Variants in USP34 observed in about 807,000 individuals in gnomAD.
USP34 encodes ubiquitin carboxyl-terminal hydrolase 34.
Under a neutral mutation model 460.3 loss-of-function variants are expected in USP34, and 70 were observed. The ratio of observed to expected loss-of-function variants is 0.15; its 90% CI spans 0.13 to 0.19. The LOEUF is 0.19. Ranked by LOEUF, USP34 falls within the 10% of genes least tolerant of loss-of-function variation. The pLI is 1.00. For synonymous variants in USP34, 1,647 were observed against 1,405.3 expected, an observed-to-expected ratio of 1.17 and a Z score of -3.85; for missense variants, 3,985 against 4,236.2, an observed-to-expected ratio of 0.94 and a Z score of 1.65.
chr2:61,321,814 A>G (rs1006039738), intron 21 of USP34, among the ~76,000 whole-genome samples: 2 of 152,244 alleles, frequency 1.3e-5, no homozygotes, highest in Non-Finnish European at 2.9e-5. Flanking sequence ...TGGGGGAGGT[A>G]ATCCTAAAAA....
chr2:61,388,920 G>A (rs2694625), intron 5 of USP34, among the ~76,000 whole-genome samples: 51,498 of 151,674 alleles, frequency 0.34, 9,050 homozygotes, highest in Admixed American at 0.4. Flanking sequence ...TAACCTAAAT[G>A]TCCATCACCA....
At chr2:61,197,644 C>G (rs539163851) in intron 75 of USP34, among the ~76,000 whole-genome samples, 3 of 152,340 alleles carry the variant, frequency 2.0e-5, no homozygotes, top group African/African-American at 7.2e-5. Flanking sequence ...GTTGCCCAGA[C>G]TGTAGTGCAG....
intron 35 of USP34, among the ~76,000 whole-genome samples, chr2:61,283,722 CCCTCCCACCTCAG>C (rs1432786140): frequency 1.8e-4 from 28 of 152,060 alleles, no homozygotes; most frequent in Non-Finnish European, 3.2e-4. Flanking sequence ...GCTCAAGCAA[CCCTCCCACCTCAG>C]CCTCCCAATA....
rs913191767 is a variant in USP34, at chr2:61,298,061, A to G, written c.4129-1136T>C. Among the ~76,000 whole-genome samples the G allele has an allele frequency of 8.5e-5, 13 of 152,172 alleles. 1 individual carries two copies. The highest frequency in any genetic ancestry group is 2.7e-4 in the African/African-American group (11 of 41,438). Reference sequence around the variant, plus strand: ...ATGCAAAAAAGGATTAGAAGGAAAAATATCTTCAAAGTGTGCATAAGTATG... The same window carrying G: ...ATGCAAAAAAGGATTAGAAGGAAAAGTATCTTCAAAGTGTGCATAAGTATG... On this transcript the variant is annotated intron_variant, in intron 29 of 79. Transcript: ENST00000398571.
chr2:61,363,539 C>T lies in USP34; in HGVS notation c.1251+6782G>A, dbSNP rs145821698. Among the ~76,000 whole-genome samples the T allele has an allele frequency of 1.6e-4, 25 of 152,220 alleles. No individual in the cohort carries two copies. The East Asian group carries it at 2.3e-3, about 14-fold the overall frequency. On this transcript the variant is annotated intron_variant, in intron 10 of 79. Coordinates refer to ENST00000398571, the MANE Select transcript of USP34 (RefSeq NM_014709.4). ...AATACTGTAGGCAACTGTAACTCAA[C>T]GGTAAATAACACAGAAAAAGTAATT...
In USP34 at chr2:61,443,121, C is replaced by A. The variant is rs1355374637; in HGVS notation, c.44-22288G>T. Among the ~76,000 whole-genome samples, 35 of 151,684 alleles carry A rather than the reference C, an allele frequency of 2.3e-4. 1 individual carries two copies. The highest frequency in any genetic ancestry group is 2.3e-3 in the Admixed American group (35 of 15,230). ...TAAGTAAAAAGTAGAACAGAGGATACAAGAAGGTGGAAAGGACAGGGGAAA... is the reference window on the plus strand; with the variant it reads ...TAAGTAAAAAGTAGAACAGAGGATAAAAGAAGGTGGAAAGGACAGGGGAAA... On this transcript the variant is annotated intron_variant, in intron 1 of 79. Transcript: ENST00000398571.
intron 1 of USP34, among the ~76,000 whole-genome samples, chr2:61,439,974 C>T (rs929667904): frequency 2.0e-5 from 3 of 152,140 alleles, no homozygotes; most frequent in African/African-American, 7.2e-5. Context: ...GCATCCTAGC[C>T]TAGTGCAGGG....
chr2:61,283,060 G>C, intron 37 of USP34, 85 bp downstream of exon 37: 2 of 1,423,156 alleles, frequency 1.4e-6, no homozygotes, highest in Non-Finnish European at 9.7e-7. Flanking sequence ...ACGCATATTT[G>C]TTTCCATTAG....
chr2:61,193,137 A>G, intron 75 of USP34, 157 bp from the exon 76 acceptor site: 1 of 595,866 alleles, frequency 1.7e-6, no homozygotes, highest in Non-Finnish European at 2.9e-6. Flanking sequence ...TCCAATGTTT[A>G]GTGAAATATC....
chr2:61,236,592 GC>G (rs767293148), intron 53 of USP34, among the ~76,000 whole-genome samples: 3 of 151,960 alleles, frequency 2.0e-5, no homozygotes, highest in Non-Finnish European at 4.4e-5. Flanking sequence ...TACTTATCTG[GC>G]TACCTCAAGC....
At chr2:61,242,820 G>C (rs1394736119) in intron 51 of USP34, among the ~76,000 whole-genome samples, 1 of 152,090 alleles carries the variant, frequency 6.6e-6, no homozygotes, top group Non-Finnish European at 1.5e-5. Context: ...AAGGGACAGA[G>C]GCAGACATTT....
At chr2:61,359,191 C>A (rs1426739173) in intron 10 of USP34, among the ~76,000 whole-genome samples, 1 of 151,662 alleles carries the variant, frequency 6.6e-6, no homozygotes, top group Non-Finnish European at 1.5e-5. Context: ...AAAGAAAAAA[C>A]AAAAAGCAAC....
intron 78 of USP34, 108 bp from the exon 79 acceptor site, chr2:61,189,177 A>G: frequency 8.3e-7 from 1 of 1,201,750 alleles, no homozygotes; most frequent in Non-Finnish European, 1.1e-6. Flanking sequence ...ATTCTTTCCT[A>G]AGAATACCCT....
rs559644677 is a variant in USP34 at position 61,334,069 on chromosome 2, T to G, written c.2745-98A>C. On this transcript the variant is annotated intron_variant, in intron 18 of 79. Coordinates refer to ENST00000398571, the MANE Select transcript of USP34 (RefSeq NM_014709.4). The stretch of plus-strand genomic sequence containing the variant: ...AAATGCTAAAAGATTTAATGAATCT[T>G]GCATAGAGACATATTATTACACAAA... 67 of 783,020 alleles carry G rather than the reference T, an allele frequency of 8.6e-5. No homozygotes were observed. The South Asian group carries it at 1.7e-3, about 20-fold the overall frequency. 48.5% of individuals were successfully genotyped at this position (783,020 alleles called of 1,614,324 possible).
chr2:61,439,501 T>C (rs1694906511), intron 1 of USP34, among the ~76,000 whole-genome samples: 1 of 152,158 alleles, frequency 6.6e-6, no homozygotes, highest in African/African-American at 2.4e-5. Context: ...TTCCATTTCT[T>C]GGAAGGCCCA....
At chr2:61,356,051 G>GTA (rs561457207) in intron 10 of USP34, among the ~76,000 whole-genome samples, 1 of 152,032 alleles carries the variant, frequency 6.6e-6, no homozygotes, top group East Asian at 1.9e-4. Context: ...TGACTCCTAG[G>GTA]TATATGTCTA....
intron 8 of USP34, among the ~76,000 whole-genome samples, chr2:61,371,715 A>T (rs1366328056): frequency 6.6e-6 from 1 of 152,174 alleles, no homozygotes; most frequent in African/African-American, 2.4e-5. Context: ...AGGCCTTCAC[A>T]TCTTCTCAGC....
chr2:61,265,196 A>G (rs891052643), intron 43 of USP34: 10 of 565,278 alleles, frequency 1.8e-5, no homozygotes, highest in Admixed American at 3.5e-5. Flanking sequence ...TCCTTTGAGA[A>G]CTAAACTGTA....
At chr2:61,455,130 C>T (rs563761324) in intron 1 of USP34, among the ~76,000 whole-genome samples, 2 of 152,068 alleles carry the variant, frequency 1.3e-5, no homozygotes, top group South Asian at 4.2e-4. Context: ...GATATGCCTA[C>T]CTTGGCCTCC....
Sources: gnomAD v4.1 joint callset for allele counts (sites outside exome capture counted in the v4.1 genomes callset) on GRCh38, gnomAD v4.1.1 for gene constraint, MANE v1.5 for transcripts, NCBI Gene and HGNC (gene_info 2026-07-23, HGNC 2026-07-21) for gene names.